ADAD2: variants seen among roughly 807,000 people sequenced by gnomAD.
ADAD2 encodes the protein adenosine deaminase domain-containing protein 2.
A neutral mutation model predicts 54.5 loss-of-function variants in ADAD2; 60 were observed. That is an observed-to-expected ratio of 1.10 (90% CI 0.89 to 1.36). The LOEUF (loss-of-function observed/expected upper bound fraction) is 1.36. Among genes scored for constraint, ADAD2 ranks in the 40% most tolerant of loss-of-function variants. ADAD2 has a pLI of 0.00. For synonymous variants in ADAD2, 543 were observed against 366.2 expected (o/e 1.48, Z -5.51); for missense variants, 1,103 against 801.3 (o/e 1.38, Z -4.54).
In ADAD2 at chr16:84,194,575, G is replaced by A. The variant is rs527734743; in HGVS notation, c.552G>A (p.Glu184=). The change falls in exon 2 of 10, where the codon GAG becomes GAA. Residue 184 remains glutamate, a synonymous_variant. Transcript: ENST00000315906. ...TCTGCTACATCCGGAGTCAGCTGGAGAACCCAGGTAATGGAGGGAGGGCCA... is the reference window on the plus strand; with the variant it reads ...TCTGCTACATCCGGAGTCAGCTGGAAAACCCAGGTAATGGAGGGAGGGCCA... ...SALCYIRSQL[E]NPESPQTSSR... 6.2e-7 allele frequency: 1 copy of A among 1,604,006 alleles called. No homozygotes were observed. The highest frequency in any genetic ancestry group is 2.2e-5 in the East Asian group (1 of 44,528).
At position 84,191,239 on chromosome 16, in the gene ADAD2, G is replaced by A. The variant is rs754795756; in HGVS notation, c.9G>A (p.Ser3=). 4 of 1,607,462 alleles carry A rather than the reference G, an allele frequency of 2.5e-6. No homozygotes were observed. Among genetic ancestry groups the A allele is most frequent in the African/African-American group, 2.7e-5 (2 of 74,862 alleles). The part of the protein sequence containing the change: MA[S]ASQGADDDGS... ...GATCTTCGTTGGCGGCCATGGCTTC[G>A]GCTTCTCAGGGCGCTGACGACGACG... The change falls in exon 1 of 10, where the codon TCG becomes TCA. Residue 3 remains serine (S), a synonymous_variant. Transcript: ENST00000315906.
Position 84,195,389 on chromosome 16 carries a change from C to A in ADAD2, c.827C>A (p.Ser276Ter). 1.2e-6 allele frequency: 2 copies of A among 1,608,568 alleles called. No homozygotes were observed. Among genetic ancestry groups the A allele is most frequent in the Non-Finnish European group, 1.7e-6 (2 of 1,179,272 alleles). ...SSCCAGWLEF[S>*]GQQLHDCHGL... ...TGCTGTGCTGGCTGGCTGGAGTTCT[C>A]GGGCCAGCAGCTCCACGACTGCCAT... Residue 276 changes from serine to a stop codon, truncating the protein, a stop_gained, in exon 5 of 10, where the codon TCG (serine) becomes TAG (stop). Coordinates refer to ENST00000315906, the MANE Select transcript of ADAD2 (RefSeq NM_001145400.2). LOFTEE classifies it high-confidence loss of function.
At position 84,195,810 on chromosome 16, in the gene ADAD2, C is replaced by T. The variant is rs74961539; in HGVS notation, c.1053-5C>T. 3.4e-3 allele frequency: 5,460 copies of T among 1,597,076 alleles called. 149 individuals are homozygous for T. In the African/African-American group the frequency reaches 0.064, roughly 19 times the overall value. On this transcript the variant is annotated splice_region_variant and splice_polypyrimidine_tract_variant and intron_variant, in intron 6 of 9. Coordinates refer to ENST00000315906, the MANE Select transcript of ADAD2 (RefSeq NM_001145400.2). ...AGCTGATGTCTGTCCCCACCCGGCCCGCAGCCTGCCCCCCACCTCGGAAGG... is the reference window on the plus strand; with the variant it reads ...AGCTGATGTCTGTCCCCACCCGGCCTGCAGCCTGCCCCCCACCTCGGAAGG...
rs1331769443 is a variant in ADAD2, at chr16:84,196,953, G to A, written c.1731G>A (p.Leu577=). Residue 577 remains leucine (L), a synonymous_variant, in exon 10 of 10, where the codon CTG becomes CTA. Transcript: ENST00000315906. The part of the protein sequence containing the change: ...QGLGAWPSKP[L]VGKFRN ...TGGGGGCTTGGCCCTCGAAGCCACT[G>A]GTGGGCAAATTCAGAAACTGAAGCC... The A allele has an allele frequency of 6.2e-7, 1 of 1,604,204 alleles. No homozygotes were observed. Among genetic ancestry groups the A allele is most frequent in the East Asian group, 2.2e-5 (1 of 44,604 alleles).
rs1597594573 is a variant in ADAD2, at chr16:84,191,916, T to G, written c.418+268T>G. On this transcript the variant is annotated intron_variant, in intron 1 of 9. Transcript: ENST00000315906. Reference sequence around the variant, plus strand: ...TCTTCCCACCTGACTTCCAGGGAGGTTAAGGCCCCCTGGTATTTCTGTATA... The same window carrying G: ...TCTTCCCACCTGACTTCCAGGGAGGGTAAGGCCCCCTGGTATTTCTGTATA... 5.1e-6 allele frequency: 3 copies of G among 586,604 alleles called. No homozygotes were observed. The South Asian group carries it at 5.9e-5, about 11-fold the overall frequency. 36.3% of individuals were successfully genotyped at this position (586,604 alleles called of 1,614,324 possible).
rs759617236 is a variant in ADAD2, at chr16:84,191,338, C to T, written c.108C>T (p.Pro36=). 1.3e-6 allele frequency: 2 copies of T among 1,575,814 alleles called. No individual in the cohort carries two copies. The highest frequency in any genetic ancestry group is 1.4e-5 in the African/African-American group (1 of 73,494). The part of the protein sequence containing the change: ...SPQPRPWRPL[P]AQAQSAWGPA... ...AGCCCCGCCCCTGGCGACCGCTACCCGCCCAGGCCCAAAGTGCCTGGGGGC... is the reference window on the plus strand; with the variant it reads ...AGCCCCGCCCCTGGCGACCGCTACCTGCCCAGGCCCAAAGTGCCTGGGGGC... The change falls in exon 1 of 10, where the codon CCC becomes CCT. Residue 36 remains proline, a synonymous_variant. Coordinates refer to ENST00000315906, the MANE Select transcript of ADAD2 (RefSeq NM_001145400.2).
chr16:84,191,851 C>G, intron 1 of ADAD2: 1 of 752,558 alleles, frequency 1.3e-6, no homozygotes. Context: ...ACCAGCCACA[C>G]CAGATGCTCA....
At position 84,194,435 on chromosome 16, in the gene ADAD2, TC is replaced by T; in HGVS notation, c.419-3del. On this transcript the variant is annotated splice_polypyrimidine_tract_variant and splice_region_variant and intron_variant, in intron 1 of 9. Transcript: ENST00000315906. ...GGGGCTGCTTCCTCACCTGGCTCCT[TC>T]CCCAGGTCCCTGCTTCCCCTTCTCG... 1 of 1,600,026 alleles carries T rather than the reference TC, an allele frequency of 6.2e-7. No homozygotes were observed.
rs750286131 is a variant in ADAD2, at chr16:84,196,061, G to A, written c.1282+17G>A. ...TCATCCTGGGTGAGCACGTGGTGAG[G>A]GCTGGGGGGGTGAGAAGGGAGGGCA... On this transcript the variant is annotated intron_variant, in intron 7 of 9. Transcript: ENST00000315906. 7.5e-6 allele frequency: 12 copies of A among 1,599,188 alleles called. No individual in the cohort carries two copies. In the African/African-American group the frequency reaches 1.1e-4, roughly 14 times the overall value.
At chr16:84,192,208 A>G (rs1317673206) in intron 1 of ADAD2, among the ~76,000 whole-genome samples, 2 of 152,174 alleles carry the variant, frequency 1.3e-5, no homozygotes, top group Non-Finnish European at 2.9e-5. Context: ...GCGGTGGAAC[A>G]AGCTTGCCTC....
In ADAD2 at chr16:84,196,383, C is replaced by T. The variant is rs1234154393; in HGVS notation, c.1526+13C>T. 1 of 1,605,942 alleles carries T rather than the reference C, an allele frequency of 6.2e-7. No homozygotes were observed. Among genetic ancestry groups the T allele is most frequent in the Non-Finnish European group, 8.5e-7 (1 of 1,176,566 alleles). On this transcript the variant is annotated intron_variant, in intron 8 of 9. Transcript: ENST00000315906. ...GTGTGAAGGCCAAGTGAGAAGGGCCCCCTGGGGCCGGGCTGTGGAGCAGTG... is the reference window on the plus strand; with the variant it reads ...GTGTGAAGGCCAAGTGAGAAGGGCCTCCTGGGGCCGGGCTGTGGAGCAGTG...
intron 2 of ADAD2, 63 bp from the exon 3 acceptor site, chr16:84,194,870 T>C: frequency 6.5e-7 from 1 of 1,534,386 alleles, no homozygotes; most frequent in Non-Finnish European, 8.8e-7. Flanking sequence ...CCTCCTTGGC[T>C]TCCTGAGGGA....
intron 1 of ADAD2, chr16:84,193,898 C>G (rs915331954): frequency 4.2e-6 from 5 of 1,195,804 alleles, no homozygotes; most frequent in Admixed American, 2.5e-5. Context: ...AATTTAGCAG[C>G]AAGTACTGTG....
Position 84,194,430 on chromosome 16 carries a change from C to G in ADAD2, c.419-12C>G. The G allele has an allele frequency of 6.2e-7, 1 of 1,600,194 alleles. No individual in the cohort carries two copies. The highest frequency in any genetic ancestry group is 2.2e-5 in the East Asian group (1 of 44,684). On this transcript the variant is annotated splice_polypyrimidine_tract_variant and intron_variant, in intron 1 of 9. Transcript: ENST00000315906. ...GCCAGGGGGCTGCTTCCTCACCTGG[C>G]TCCTTCCCCAGGTCCCTGCTTCCCC...
chr16:84,192,456 T>A (rs2089668072), intron 1 of ADAD2: 1 of 152,390 alleles, frequency 6.6e-6, no homozygotes. Context: ...GCCCAGAGTT[T>A]TAATTTAAAA....
intron 6 of ADAD2, 34 bp downstream of exon 6, chr16:84,195,731 G>A: frequency 6.5e-7 from 1 of 1,529,864 alleles, no homozygotes; most frequent in Non-Finnish European, 8.8e-7. Flanking sequence ...CGGGGGATGG[G>A]GCTCCCTCGG....
Position 84,195,638 on chromosome 16 carries a change from C to G in ADAD2, c.993C>G (p.Pro331=), listed in dbSNP as rs202063579. 6.2e-7 allele frequency: 1 copy of G among 1,602,728 alleles called. No individual in the cohort carries two copies. The highest frequency in any genetic ancestry group is 1.3e-5 in the African/African-American group (1 of 74,442). Residue 331 remains proline (P), a synonymous_variant, in exon 6 of 10, where the codon CCC becomes CCG. Transcript: ENST00000315906. ...CCGGACCCCCATTCACCCTCAAGCC[C>G]CGCGTCTTCCTGCACCTCTACATCA... The part of the protein sequence containing the change: ...PGPGPPFTLK[P]RVFLHLYISN...
chr16:84,191,637 A>G lies in ADAD2; in HGVS notation c.407A>G (p.Asp136Gly). 1 of 1,556,782 alleles carries G rather than the reference A, an allele frequency of 6.4e-7. No homozygotes were observed. The highest frequency in any genetic ancestry group is 8.7e-7 in the Non-Finnish European group (1 of 1,150,746). ...SLGIFLLFRE[D>G]QPPGPCFPFS... Reference sequence around the variant, plus strand: ...GGCATCTTCCTGCTCTTCCGGGAGGACCAGCCACCAGGTGAGGCCGGGCCG... The same window carrying G: ...GGCATCTTCCTGCTCTTCCGGGAGGGCCAGCCACCAGGTGAGGCCGGGCCG... The change falls in exon 1 of 10, where the codon GAC becomes GGC. Residue 136 changes from aspartate (D) to glycine (G), a missense_variant. Physicochemically the swap from Asp to Gly is moderately conservative, Grantham distance 94. Coordinates refer to ENST00000315906, the MANE Select transcript of ADAD2 (RefSeq NM_001145400.2).
rs755053161 is a variant in ADAD2 at position 84,194,542 on chromosome 16, C to G, written c.519C>G (p.Leu173=). 10 of 1,609,438 alleles carry G rather than the reference C, an allele frequency of 6.2e-6. No individual in the cohort carries two copies. The highest frequency in any genetic ancestry group is 3.4e-5 in the Admixed American group (2 of 59,444). The part of the protein sequence containing the change: ...SKTEAKQQAA[L]SALCYIRSQL... Reference sequence around the variant, plus strand: ...CGGAGGCCAAACAGCAGGCAGCGCTCTCTGCCCTCTGCTACATCCGGAGTC... The same window carrying G: ...CGGAGGCCAAACAGCAGGCAGCGCTGTCTGCCCTCTGCTACATCCGGAGTC... Residue 173 remains leucine, a synonymous_variant, in exon 2 of 10, where the codon CTC becomes CTG. Coordinates refer to ENST00000315906, the MANE Select transcript of ADAD2 (RefSeq NM_001145400.2).
Sources: allele counts gnomAD v4.1 joint callset (sites outside exome capture counted in the v4.1 genomes callset), GRCh38; gene constraint gnomAD v4.1.1; transcripts MANE v1.5; gene names NCBI Gene and HGNC (gene_info 2026-07-23, HGNC 2026-07-21).